The following CROT variants were observed in gnomAD, a reference collection of about 807,000 sequenced individuals.
The protein encoded by CROT is peroxisomal carnitine O-octanoyltransferase.
CROT carries 84 observed loss-of-function variants against 89.2 expected under a neutral mutation model. The observed-to-expected ratio is 0.94, with a 90% CI of 0.79 to 1.13. CROT has a LOEUF of 1.13. CROT is among the 50% of genes most tolerant of loss of function. The pLI, the probability that CROT is intolerant of heterozygous loss-of-function variation, is 0.00. For synonymous variants in CROT, 212 were observed against 239.5 expected (o/e 0.89, Z 1.06); for missense variants, 711 against 727.8 (o/e 0.98, Z 0.27).
chr7:87,369,362 G>A lies in CROT; in HGVS notation c.548-14G>A. ...CTTAGATTTGAGTCTTGTGTTTTCTGTTTCTGTTTCCAGAGAGTGAAGGGC... is the reference window on the plus strand; with the variant it reads ...CTTAGATTTGAGTCTTGTGTTTTCTATTTCTGTTTCCAGAGAGTGAAGGGC... On this transcript the variant is annotated splice_polypyrimidine_tract_variant and intron_variant, in intron 6 of 17. Coordinates refer to ENST00000331536, the MANE Select transcript of CROT (RefSeq NM_021151.4). 6.4e-7 allele frequency: 1 copy of A among 1,573,836 alleles called. No individual in the cohort carries two copies.
chr7:87,380,122 T>G (rs62486544), intron 10 of CROT, among the ~76,000 whole-genome samples: 7,158 of 152,096 alleles, frequency 0.047, 236 homozygotes, highest in Middle Eastern at 0.082. Flanking sequence ...AAAATAATAA[T>G]AAGAAGAAAA....
At chr7:87,383,757 A>T (rs1375979133) in intron 13 of CROT, among the ~76,000 whole-genome samples, 1 of 152,090 alleles carries the variant, frequency 6.6e-6, no homozygotes, top group Non-Finnish European at 1.5e-5. Context: ...TTGGCCTCCC[A>T]AAGTGCTGGG....
intron 3 of CROT, among the ~76,000 whole-genome samples, chr7:87,353,240 T>A (rs1805934560): frequency 6.6e-6 from 1 of 152,048 alleles, no homozygotes; most frequent in Non-Finnish European, 1.5e-5. Context: ...CTCTGCTCCC[T>A]GGGTTTAAGC....
intron 4 of CROT, 61 bp from the exon 5 acceptor site, chr7:87,361,329 C>G: frequency 7.0e-7 from 1 of 1,430,002 alleles, no homozygotes; most frequent in Non-Finnish European, 9.6e-7. Flanking sequence ...TTAAAATTCC[C>G]AGTAGTTACA....
At chr7:87,372,007 C>CAAAAAAAAA (rs61300907) in intron 7 of CROT, among the ~76,000 whole-genome samples, 1 of 124,000 alleles carries the variant, frequency 8.1e-6, no homozygotes, top group Non-Finnish European at 1.7e-5. Context: ...AAAAAAAAAA[C>CAAAAAAAAA]AAAAAAAAAA....
chr7:87,373,366 A>G (rs1230486236), intron 7 of CROT, among the ~76,000 whole-genome samples: 2 of 152,060 alleles, frequency 1.3e-5, no homozygotes, highest in Non-Finnish European at 2.9e-5. Flanking sequence ...TATATCTCCT[A>G]GGCTTGGCTT....
intron 13 of CROT, among the ~76,000 whole-genome samples, chr7:87,388,038 C>G (rs1264354369): frequency 1.3e-5 from 2 of 152,092 alleles, no homozygotes. Context: ...TACTGGGGAG[C>G]AGGTGGGTGT....
chr7:87,391,801 A>C, intron 14 of CROT, 89 bp downstream of exon 14: 1 of 1,303,016 alleles, frequency 7.7e-7, no homozygotes, highest in Non-Finnish European at 1.1e-6. Context: ...TCTTTGCTTC[A>C]GTTTTCCTGG....
At chr7:87,382,578 G>A (rs1807052972) in intron 13 of CROT, 35 bp downstream of exon 13, 1 of 1,589,856 alleles carries the variant, frequency 6.3e-7, no homozygotes, top group African/African-American at 1.4e-5. Context: ...TCACAGTCTT[G>A]AAGTCCAAGG....
In CROT at chr7:87,349,194, A is replaced by C. The variant is rs925595133; in HGVS notation, c.115+11A>C. The C allele has an allele frequency of 1.5e-6, 2 of 1,330,160 alleles. No individual in the cohort carries two copies. Among genetic ancestry groups the C allele is most frequent in the African/African-American group, 2.9e-5 (2 of 68,184 alleles). The allele number at this position is 1,330,160 out of a possible 1,614,324, so 82.4% of individuals were successfully genotyped here. ...AATACCTTGAATCAGGTATGTTAAT[A>C]ATCTTTTAGTATATATTAATATTAT... On this transcript the variant is annotated intron_variant, in intron 3 of 17. Coordinates refer to ENST00000331536, the MANE Select transcript of CROT (RefSeq NM_021151.4).
At chr7:87,367,004 T>G (rs1806468327) in intron 6 of CROT, among the ~76,000 whole-genome samples, 3 of 152,236 alleles carry the variant, frequency 2.0e-5, no homozygotes, top group Admixed American at 1.3e-4. Context: ...ACAACAGATA[T>G]GAGCAATCTT....
At chr7:87,361,593 G>A (rs1458761505) in intron 5 of CROT, 22 bp downstream of exon 5, 1 of 1,566,748 alleles carries the variant, frequency 6.4e-7, no homozygotes, top group East Asian at 2.3e-5. Flanking sequence ...TGTGAATTTA[G>A]TGACAGGCTT....
At chr7:87,362,110 A>T (rs1291293000) in intron 6 of CROT, among the ~76,000 whole-genome samples, 3 of 152,198 alleles carry the variant, frequency 2.0e-5, no homozygotes, top group Non-Finnish European at 4.4e-5. Flanking sequence ...TTACTTGAAG[A>T]GTAGAATCAG....
intron 2 of CROT, 45 bp from the exon 3 acceptor site, chr7:87,349,003 T>A (rs756051146): frequency 2.5e-4 from 199 of 796,202 alleles, no homozygotes; most frequent in Non-Finnish European, 3.9e-4. Context: ...TACGTAACAC[T>A]ATCTATGAGA....
Position 87,394,650 on chromosome 7 carries a change from A to T in CROT, c.1718+1583A>T, listed in dbSNP as rs142407937. ...GCAAAATGCCTTTTGATCTCCAATTAAAAATGCAGCTTTTTGGTGGGTGCT... is the reference window on the plus strand; with the variant it reads ...GCAAAATGCCTTTTGATCTCCAATTTAAAATGCAGCTTTTTGGTGGGTGCT... On this transcript the variant is annotated intron_variant, in intron 17 of 17. Coordinates refer to ENST00000331536, the MANE Select transcript of CROT (RefSeq NM_021151.4). Among the ~76,000 whole-genome samples, 305 of 152,192 alleles carry T rather than the reference A, an allele frequency of 2.0e-3. 5 individuals carry two copies. Among genetic ancestry groups the T allele is most frequent in the Admixed American group, 0.018 (272 of 15,280 alleles).
intron 3 of CROT, chr7:87,357,725 T>C (rs957862171): frequency 1.7e-6 from 1 of 599,524 alleles, no homozygotes; most frequent in African/African-American, 1.9e-5. Flanking sequence ...CCTTTATCTA[T>C]GTAAAGACTA....
chr7:87,393,311 A>C (rs1807428650), intron 17 of CROT, among the ~76,000 whole-genome samples: 2 of 152,154 alleles, frequency 1.3e-5, no homozygotes, highest in Non-Finnish European at 2.9e-5. Context: ...TCGATTCGGC[A>C]ATCATATCAT....
chr7:87,362,874 C>T (rs1231906773), intron 6 of CROT, among the ~76,000 whole-genome samples: 1 of 152,146 alleles, frequency 6.6e-6, no homozygotes, highest in African/African-American at 2.4e-5. Flanking sequence ...TAGAACTCAA[C>T]TCTTCTTTGT....
intron 13 of CROT, among the ~76,000 whole-genome samples, chr7:87,387,192 T>C (rs760364869): frequency 6.6e-6 from 1 of 152,054 alleles, no homozygotes; most frequent in Non-Finnish European, 1.5e-5. Context: ...TTTGGTTTTC[T>C]GTGGGGAAGA....
Sources: allele counts gnomAD v4.1 joint callset (sites outside exome capture counted in the v4.1 genomes callset), GRCh38; gene constraint gnomAD v4.1.1; transcripts MANE v1.5; gene names NCBI Gene and HGNC (gene_info 2026-07-23, HGNC 2026-07-21).